The following PDE10A variants were observed in gnomAD, a reference collection of about 807,000 sequenced individuals.
PDE10A encodes the protein phosphodiesterase 10A, also known as cAMP and cAMP-inhibited cGMP 3',5'-cyclic phosphodiesterase 10A.
In PDE10A, 39 loss-of-function variants were observed where a neutral mutation model predicts 97.7. The observed-to-expected ratio is 0.40, with a 90% confidence interval of 0.31 to 0.52. PDE10A has a LOEUF of 0.52. Ranked by LOEUF, PDE10A falls within the 20% of genes least tolerant of loss-of-function variation. The probability of loss-of-function intolerance (pLI) is 0.56; values close to 1 mark genes in which losing one functional copy is unlikely to be tolerated. For synonymous variants in PDE10A, 371 were observed against 376.8 expected, an observed-to-expected ratio of 0.98 and a Z score of 0.18; for missense variants, 731 against 1,047.8, an observed-to-expected ratio of 0.70 and a Z score of 4.17.
rs1217477818 is a variant in PDE10A, at chr6:165,462,725, C to T, written c.1024-12363G>A. Among the ~76,000 whole-genome samples the T allele has an allele frequency of 2.6e-5, 4 of 152,170 alleles. No homozygotes were observed. In the South Asian group the frequency reaches 8.3e-4, roughly 32 times the overall value. On this transcript the variant is annotated intron_variant, in intron 3 of 21. Transcript: ENST00000539869. ...GAAAACCTGAGGAAAGCAGTACAACCAGTCACAATGAGTAATTTAATGGTA... is the reference window on the plus strand; with the variant it reads ...GAAAACCTGAGGAAAGCAGTACAACTAGTCACAATGAGTAATTTAATGGTA...
chr6:165,543,383 T>C, intron 2 of PDE10A, 57 bp downstream of exon 2: 2 of 1,487,912 alleles, frequency 1.3e-6, no homozygotes, highest in Non-Finnish European at 1.8e-6. Flanking sequence ...AAATGCTTAG[T>C]CTTTTGCCGT....
intron 1 of PDE10A, among the ~76,000 whole-genome samples, chr6:165,685,075 A>G (rs925685429): frequency 6.6e-6 from 1 of 152,192 alleles, no homozygotes; most frequent in Non-Finnish European, 1.5e-5. Flanking sequence ...AAAAATCGCT[A>G]TGTGATATAA....
chr6:165,397,702 CAAAAA>C (rs71026686), intron 13 of PDE10A, among the ~76,000 whole-genome samples: 127 of 88,386 alleles, frequency 1.4e-3, no homozygotes, highest in African/African-American at 4.8e-3. Flanking sequence ...AACTCCATCT[CAAAAA>C]AAAAAAAAAA....
intron 1 of PDE10A, among the ~76,000 whole-genome samples, chr6:165,756,838 T>C (rs932152244): frequency 5.3e-5 from 6 of 114,020 alleles, no homozygotes; most frequent in African/African-American, 9.7e-5. Context: ...TCCAGTCTTA[T>C]GTGAAAAACG....
At chr6:165,479,278 C>A (rs780443775) in intron 3 of PDE10A, among the ~76,000 whole-genome samples, 1 of 152,196 alleles carries the variant, frequency 6.6e-6, no homozygotes, top group Non-Finnish European at 1.5e-5. Context: ...CTGGGTCTAC[C>A]TGTTTCCACT....
chr6:165,657,183 A>G (rs1264108636), intron 1 of PDE10A, among the ~76,000 whole-genome samples: 1 of 152,234 alleles, frequency 6.6e-6, no homozygotes, highest in Non-Finnish European at 1.5e-5. Flanking sequence ...GAAAGCAGGC[A>G]ATAAACTGAT....
intron 1 of PDE10A, among the ~76,000 whole-genome samples, chr6:165,958,563 AAGACAGACAGAAAGAAAGAC>A (rs1316013851): frequency 0.26 from 3,882 of 15,220 alleles, 742 homozygotes; most frequent in East Asian, 0.41. Context: ...GAAAGAAAGA[AAGACAGACAGAAAGAAAGAC>A]AGAAAGAGAG....
chr6:165,716,582 G>A (rs1002177228), intron 1 of PDE10A, among the ~76,000 whole-genome samples: 8 of 152,236 alleles, frequency 5.3e-5, no homozygotes, highest in Admixed American at 2.0e-4. Flanking sequence ...TGTTTGAGAA[G>A]AGCAGAGTGA....
chr6:165,387,967 A>G (rs1785421294), intron 17 of PDE10A, among the ~76,000 whole-genome samples: 1 of 152,212 alleles, frequency 6.6e-6, no homozygotes, highest in African/African-American at 2.4e-5. Flanking sequence ...TTTGCTGTTC[A>G]ATATCTTCTT....
At chr6:165,761,410 T>C (rs1793247451) in intron 1 of PDE10A, among the ~76,000 whole-genome samples, 1 of 152,086 alleles carries the variant, frequency 6.6e-6, no homozygotes, top group African/African-American at 2.4e-5. Context: ...CAGATCTTTC[T>C]TTCCTTCCTG....
At chr6:165,448,731 C>G (rs1791047618) in intron 5 of PDE10A, among the ~76,000 whole-genome samples, 197 bp downstream of exon 5, 1 of 152,056 alleles carries the variant, frequency 6.6e-6, no homozygotes, top group Admixed American at 6.6e-5. Flanking sequence ...CACACACACA[C>G]ACACACACGA....
chr6:165,833,137 C>T (rs1319174245), intron 1 of PDE10A, among the ~76,000 whole-genome samples: 1 of 152,230 alleles, frequency 6.6e-6, no homozygotes, highest in South Asian at 2.1e-4. Context: ...AAATGACATT[C>T]ATGGATGTCC....
chr6:165,348,958 G>T (rs1265693030), intron 18 of PDE10A, among the ~76,000 whole-genome samples: 1 of 152,142 alleles, frequency 6.6e-6, no homozygotes, highest in East Asian at 1.9e-4. Flanking sequence ...CAGACATGAA[G>T]AACTGTGAGT....
At chr6:165,778,528 C>T (rs980990110) in intron 1 of PDE10A, among the ~76,000 whole-genome samples, 1 of 152,180 alleles carries the variant, frequency 6.6e-6, no homozygotes, top group African/African-American at 2.4e-5. Flanking sequence ...GAGCACAGTT[C>T]CTGGTGCCCA....
At chr6:165,891,435 C>T (rs1781792092) in intron 1 of PDE10A, among the ~76,000 whole-genome samples, 1 of 152,140 alleles carries the variant, frequency 6.6e-6, no homozygotes, top group Non-Finnish European at 1.5e-5. Flanking sequence ...GCTACAGAGT[C>T]AGATCTCCCA....
intron 1 of PDE10A, among the ~76,000 whole-genome samples, chr6:165,575,167 C>G (rs1302407519): frequency 6.6e-6 from 1 of 152,166 alleles, no homozygotes; most frequent in African/African-American, 2.4e-5. Flanking sequence ...CAGCAAGCAC[C>G]ACAGAATTCT....
intron 1 of PDE10A, among the ~76,000 whole-genome samples, chr6:165,758,804 T>C (rs1793185639): frequency 6.6e-6 from 1 of 152,186 alleles, no homozygotes; most frequent in East Asian, 1.9e-4. Context: ...TTCTCAACAT[T>C]GTTGCAAAAT....
At chr6:165,518,149 C>T (rs989539786) in intron 2 of PDE10A, among the ~76,000 whole-genome samples, 2 of 152,148 alleles carry the variant, frequency 1.3e-5, no homozygotes, top group Non-Finnish European at 2.9e-5. Flanking sequence ...CTAAAAATCA[C>T]AGCTTCGTTC....
At chr6:165,875,527 C>T (rs2248940) in intron 1 of PDE10A, among the ~76,000 whole-genome samples, 122,640 of 152,094 alleles carry the variant, frequency 0.81, 49,830 homozygotes, top group East Asian at 0.96. Context: ...TAAATGCCTA[C>T]TGATTAACAC....
Sources: allele counts gnomAD v4.1 joint callset (sites outside exome capture counted in the v4.1 genomes callset), GRCh38; gene constraint gnomAD v4.1.1; transcripts MANE v1.5; gene names NCBI Gene and HGNC (gene_info 2026-07-23, HGNC 2026-07-21).